Variants in ATAD5 observed in about 807,000 individuals in gnomAD.
The protein encoded by ATAD5 is ATPase family AAA domain containing 5, also known as ATPase family AAA domain-containing protein 5.
Under a neutral mutation model 176.9 loss-of-function variants are expected in ATAD5, and 58 were observed. That is an observed-to-expected ratio of 0.33 (90% confidence interval 0.27 to 0.41). The LOEUF (loss-of-function observed/expected upper bound fraction) is 0.41, where lower values mean the gene tolerates loss of function less well. Ranked by LOEUF, ATAD5 falls within the 10% of genes least tolerant of loss-of-function variation. The pLI is 1.00. For missense variants in ATAD5, 1,789 were observed against 2,094.1 expected, an observed-to-expected ratio of 0.85 and a Z score of 2.84; for synonymous variants, 640 against 712.6, an observed-to-expected ratio of 0.90 and a Z score of 1.62.
chr17:30,834,088 A>G, intron 1 of ATAD5, 60 bp from the exon 2 acceptor site: 1 of 1,346,884 alleles, frequency 7.4e-7, no homozygotes, highest in Non-Finnish European at 9.9e-7. Flanking sequence ...CCATGTTTAA[A>G]ATTTATATTT....
At chr17:30,840,221 A>G (rs887406800) in intron 3 of ATAD5, among the ~76,000 whole-genome samples, 15 of 129,234 alleles carry the variant, frequency 1.2e-4, no homozygotes, top group African/African-American at 5.7e-4. Context: ...AAAAAAAAAC[A>G]ACCTTGAGGC....
chr17:30,876,382 A>G lies in ATAD5; in HGVS notation c.3616A>G (p.Ser1206Gly), dbSNP rs1396602064. 6.4e-7 allele frequency: 1 copy of G among 1,569,538 alleles called. No individual in the cohort carries two copies. Among genetic ancestry groups the G allele is most frequent in the African/African-American group, 1.4e-5 (1 of 72,472 alleles). ...YYIGKSPKKI[S>G]SPKKVVTSPR... Reference sequence around the variant, plus strand: ...AATTTGTTTTTGGGCAGAAAAAATAAGCTCCCCTAAGAAAGTTGTTACATC... The same window carrying G: ...AATTTGTTTTTGGGCAGAAAAAATAGGCTCCCCTAAGAAAGTTGTTACATC... Residue 1206 changes from serine to glycine, a missense_variant, in exon 15 of 23, where the codon AGC (serine) becomes GGC (glycine). Physicochemically the swap from Ser to Gly is moderately conservative, Grantham distance 56. Coordinates refer to ENST00000321990, the MANE Select transcript of ATAD5 (RefSeq NM_024857.5).
chr17:30,844,047 G>A lies in ATAD5; in HGVS notation c.2368+8G>A. ...CCACTAAAAATGTACCTGGTAATCA[G>A]AGTTAATAATATTTATGATGTATAT... is the stretch of plus-strand genomic sequence containing the variant. On this transcript the variant is annotated splice_region_variant and intron_variant, in intron 5 of 22. Coordinates refer to ENST00000321990, the MANE Select transcript of ATAD5 (RefSeq NM_024857.5). The A allele has an allele frequency of 6.6e-7, 1 of 1,524,810 alleles. No individual in the cohort carries two copies. The highest frequency in any genetic ancestry group is 8.8e-7 in the Non-Finnish European group (1 of 1,138,144). The allele number at this position is 1,524,810 out of a possible 1,614,324, so 94.5% of individuals were successfully genotyped here. A position where few individuals can be genotyped will look rare whatever the true frequency, so the allele number is the denominator to read the frequency against.
intron 3 of ATAD5, among the ~76,000 whole-genome samples, chr17:30,839,671 CT>C (rs1905975497): frequency 1.0e-3 from 1 of 984 alleles, no homozygotes; most frequent in South Asian, 0.038. Context: ...CCTCGGCTTC[CT>C]GGGTTCAAGC....
intron 19 of ATAD5, 73 bp downstream of exon 19, chr17:30,887,445 A>G (rs1909383680): frequency 1.5e-6 from 2 of 1,304,520 alleles, no homozygotes; most frequent in Non-Finnish European, 2.1e-6. Flanking sequence ...GGCTGGGTGC[A>G]GTGGCTCATG....
At chr17:30,845,063 A>C in intron 6 of ATAD5, 147 bp downstream of exon 6, 1 of 734,438 alleles carries the variant, frequency 1.4e-6, no homozygotes, top group Non-Finnish European at 2.1e-6. Flanking sequence ...ACAGTGCTGC[A>C]ACTGCTATTT....
At chr17:30,878,252 T>A (rs1002334743) in intron 17 of ATAD5, among the ~76,000 whole-genome samples, 156 bp downstream of exon 17, 1 of 152,198 alleles carries the variant, frequency 6.6e-6, no homozygotes, top group Admixed American at 6.6e-5. Flanking sequence ...ATTTAGGAAT[T>A]GGAGAACAAT....
chr17:30,879,375 T>C (rs1268628096), intron 17 of ATAD5, 48 bp from the exon 18 acceptor site: 11 of 1,581,770 alleles, frequency 7.0e-6, no homozygotes, highest in Non-Finnish European at 9.5e-6. Context: ...TATTTATTGG[T>C]CTTAGTGTTT....
intron 19 of ATAD5, among the ~76,000 whole-genome samples, chr17:30,889,886 C>CTTTTTTTTTTTTTTTTTTTTTTTT (rs60266614): frequency 1.0e-5 from 1 of 95,718 alleles, no homozygotes; most frequent in Non-Finnish European, 2.0e-5. Flanking sequence ...TCTTTTCTTT[C>CTTTTTTTTTTTTTTTTTTTTTTTT]TTTTTTTTTT....
intron 3 of ATAD5, among the ~76,000 whole-genome samples, chr17:30,840,128 G>A (rs1386065272): frequency 3.3e-5 from 5 of 150,850 alleles, no homozygotes; most frequent in East Asian, 2.0e-4. Context: ...AACTCGGGAG[G>A]CAGAGGTTGC....
intron 9 of ATAD5, 101 bp from the exon 10 acceptor site, chr17:30,860,332 C>A: frequency 7.3e-7 from 1 of 1,366,842 alleles, no homozygotes; most frequent in Non-Finnish European, 9.9e-7. Flanking sequence ...ATTGCCTTTG[C>A]ATTTTAAAGT....
intron 9 of ATAD5, 125 bp downstream of exon 9, chr17:30,858,448 C>T: frequency 3.2e-6 from 2 of 628,020 alleles, no homozygotes; most frequent in Non-Finnish European, 4.5e-6. Context: ...TGCAGTGGCA[C>T]AAACCTGGCT....
intron 19 of ATAD5, among the ~76,000 whole-genome samples, chr17:30,891,337 G>A (rs1483945034): frequency 6.6e-6 from 1 of 152,072 alleles, no homozygotes; most frequent in Non-Finnish European, 1.5e-5. Flanking sequence ...TCCATGCTTA[G>A]TGGTGAAATT....
chr17:30,836,544 T>A (rs1247184850), intron 2 of ATAD5, among the ~76,000 whole-genome samples: 2 of 151,950 alleles, frequency 1.3e-5, no homozygotes, highest in Non-Finnish European at 2.9e-5. Context: ...ATTTTTTTTT[T>A]AATTTTAATT....
At chr17:30,876,144 T>A (rs551660989) in intron 14 of ATAD5, among the ~76,000 whole-genome samples, 17 of 151,218 alleles carry the variant, frequency 1.1e-4, no homozygotes, top group South Asian at 8.3e-4. Context: ...CTCAAAAAAA[T>A]AAAATAAAAT....
Position 30,887,223 on chromosome 17 carries a change from G to A in ATAD5, c.4109G>A (p.Cys1370Tyr). The change falls in exon 19 of 23, where the codon TGC becomes TAC. Residue 1370 changes from cysteine (C) to tyrosine (Y), a missense_variant. By Grantham distance (194) the Cys-to-Tyr change is radical. Coordinates refer to ENST00000321990, the MANE Select transcript of ATAD5 (RefSeq NM_024857.5). Reference sequence around the variant, plus strand: ...GTTGCCAGCTACCTACAAATGATTTGCTTAACTGAGAATTTTAGAACTGAT... The same window carrying A: ...GTTGCCAGCTACCTACAAATGATTTACTTAACTGAGAATTTTAGAACTGAT... ...LNVASYLQMI[C>Y]LTENFRTDVK... 6.3e-7 allele frequency: 1 copy of A among 1,593,918 alleles called. No individual in the cohort carries two copies. Among genetic ancestry groups the A allele is most frequent in the Non-Finnish European group, 8.5e-7 (1 of 1,173,842 alleles).
At chr17:30,849,292 T>A (rs1028152536) in intron 6 of ATAD5, among the ~76,000 whole-genome samples, 3 of 152,182 alleles carry the variant, frequency 2.0e-5, no homozygotes, top group African/African-American at 7.2e-5. Context: ...AGATGGAGTC[T>A]TGCTGTGTTT....
At chr17:30,839,519 C>T (rs75466936) in intron 3 of ATAD5, among the ~76,000 whole-genome samples, 15,823 of 151,172 alleles carry the variant, frequency 0.1, 942 homozygotes, top group South Asian at 0.24. Context: ...TTGTGATCTG[C>T]CCACCTCGGC....
chr17:30,866,230 C>G (rs981839503), intron 11 of ATAD5, among the ~76,000 whole-genome samples: 33 of 116,712 alleles, frequency 2.8e-4, no homozygotes, highest in African/African-American at 1.1e-3. Context: ...CAGAGTCTCA[C>G]TCTGTTGCCT....
Sources: allele counts gnomAD v4.1 joint callset (sites outside exome capture counted in the v4.1 genomes callset), GRCh38; gene constraint gnomAD v4.1.1; transcripts MANE v1.5; gene names NCBI Gene and HGNC (gene_info 2026-07-23, HGNC 2026-07-21).